Variants in BRAF observed in about 807,000 individuals in gnomAD.
BRAF encodes the protein B-Raf proto-oncogene, serine/threonine kinase, also known as serine/threonine-protein kinase B-raf.
A neutral mutation model predicts 104.6 loss-of-function variants in BRAF; 16 were observed. That is an observed-to-expected ratio of 0.15 (90% CI 0.10 to 0.23). The LOEUF (loss-of-function observed/expected upper bound fraction) is 0.23. Ranked by LOEUF, BRAF falls within the 10% of genes least tolerant of loss-of-function variation. The probability of loss-of-function intolerance (pLI) is 1.00; values close to 1 mark genes in which losing one functional copy is unlikely to be tolerated. For missense variants in BRAF, 541 were observed against 937.3 expected (o/e 0.58, Z 5.52); for synonymous variants, 310 against 341.6 (o/e 0.91, Z 1.02).
intron 14 of BRAF, among the ~76,000 whole-genome samples, chr7:140,772,269 AACT>A (rs922439469): frequency 1.2e-4 from 11 of 88,174 alleles, no homozygotes; most frequent in Non-Finnish European, 2.1e-4. Flanking sequence ...CAGATTGTTT[AACT>A]ACAACAACAA....
intron 3 of BRAF, among the ~76,000 whole-genome samples, chr7:140,814,763 AT>A (rs919949904): frequency 2.2e-4 from 32 of 142,596 alleles, no homozygotes; most frequent in Non-Finnish European, 4.5e-5. Context: ...TAACATATAT[AT>A]TATATATAAC....
At chr7:140,819,570 T>G (rs558877202) in intron 3 of BRAF, among the ~76,000 whole-genome samples, 1 of 152,136 alleles carries the variant, frequency 6.6e-6, no homozygotes, top group African/African-American at 2.4e-5. Context: ...AGCTAAAAAG[T>G]AGAAACGACA....
In BRAF at chr7:140,764,993, CA is replaced by C. The variant is rs1434682588; in HGVS notation, c.1815-10761del. On this transcript the variant is annotated intron_variant, in intron 14 of 19. Transcript: ENST00000644969. ...CAAAAAAGAGCCCGCATCACCAAGGCAATCCTAAGCCAAAAGCACAAAGCTG... is the reference window on the plus strand; with the variant it reads ...CAAAAAAGAGCCCGCATCACCAAGGCATCCTAAGCCAAAAGCACAAAGCTG... Among the ~76,000 whole-genome samples, 14 of 152,178 alleles carry C rather than the reference CA, an allele frequency of 9.2e-5. 1 individual carries two copies. In the East Asian group the frequency reaches 2.7e-3, roughly 29 times the overall value.
rs1465371326 is a variant in BRAF, at chr7:140,832,863, G to A, written c.504+1746C>T. 2.0e-5 allele frequency among the ~76,000 whole-genome samples: 3 copies of A among 151,810 alleles called. No homozygotes were observed. In the East Asian group the frequency reaches 5.8e-4, roughly 29 times the overall value. ...TTGGCCTCTCTCATAAATATGAGGAGGCTAGTTAAACCTTTTTTTTTTTTT... is the reference window on the plus strand; with the variant it reads ...TTGGCCTCTCTCATAAATATGAGGAAGCTAGTTAAACCTTTTTTTTTTTTT... On this transcript the variant is annotated intron_variant, in intron 3 of 19. Transcript: ENST00000644969.
Position 140,719,586 on chromosome 7 carries a change from C to G in BRAF, c.*6908G>C. 2 of 1,058,388 alleles carry G rather than the reference C, an allele frequency of 1.9e-6. No individual in the cohort carries two copies. Among genetic ancestry groups the G allele is most frequent in the Non-Finnish European group, 2.3e-6 (2 of 874,884 alleles). 65.6% of individuals were successfully genotyped at this position (1,058,388 alleles called of 1,614,324 possible). On this transcript the variant is annotated 3_prime_UTR_variant, in exon 20 of 20. Coordinates refer to ENST00000644969, the MANE Select transcript of BRAF (RefSeq NM_001374258.1). ...GAAGGGACCTGAGCAGGAAAGAGAA[C>G]CAAAGTATCAGGAAGTGGGTATGGG... is the stretch of plus-strand genomic sequence containing the variant.
In BRAF at chr7:140,734,774, C is replaced by CAAAAAAAA. The variant is rs373442098; in HGVS notation, c.2248-12_2248-5dup. 13 of 773,804 alleles carry CAAAAAAAA rather than the reference C, an allele frequency of 1.7e-5. No individual in the cohort carries two copies. Among genetic ancestry groups the CAAAAAAAA allele is most frequent in the South Asian group, 1.1e-4 (4 of 37,020 alleles). The allele number at this position is 773,804 out of a possible 1,614,324, so 47.9% of individuals were successfully genotyped here. A position where few individuals can be genotyped will look rare whatever the true frequency, so the allele number is the denominator to read the frequency against. On this transcript the variant is annotated splice_region_variant and splice_polypyrimidine_tract_variant and intron_variant, in intron 18 of 19. Transcript: ENST00000644969. ...GCAGCTCAATAGAGGCGAGAATCTA[C>CAAAAAAAA]AAAAAAAAAAAGAAAAAAAAAAGAA...
At chr7:140,917,580 G>A (rs1280891715) in intron 1 of BRAF, among the ~76,000 whole-genome samples, 1 of 152,176 alleles carries the variant, frequency 6.6e-6, no homozygotes, top group Non-Finnish European at 1.5e-5. Flanking sequence ...GGGCAATACA[G>A]TGAAACTCCA....
Position 140,824,509 on chromosome 7 carries a change from A to G in BRAF, c.504+10100T>C, listed in dbSNP as rs753741340. ...ATCTGTCTGCATGCCAGTACCACTT[A>G]GTTTTGATTACTCTAACTTTGTAGT... On this transcript the variant is annotated intron_variant, in intron 3 of 19. Coordinates refer to ENST00000644969, the MANE Select transcript of BRAF (RefSeq NM_001374258.1). 5.8e-4 allele frequency: 88 copies of G among 152,168 alleles called. 1 individual carries two copies. The highest frequency in any genetic ancestry group is 3.3e-4 in the Admixed American group (5 of 15,276). 9.4% of individuals were successfully genotyped at this position (152,168 alleles called of 1,614,324 possible).
chr7:140,720,219 G>A lies in BRAF; in HGVS notation c.*6275C>T. 1 of 1,062,826 alleles carries A rather than the reference G, an allele frequency of 9.4e-7. No individual in the cohort carries two copies. The highest frequency in any genetic ancestry group is 1.1e-6 in the Non-Finnish European group (1 of 877,816). 65.8% of individuals were successfully genotyped at this position (1,062,826 alleles called of 1,614,324 possible). On this transcript the variant is annotated 3_prime_UTR_variant, in exon 20 of 20. Coordinates refer to ENST00000644969, the MANE Select transcript of BRAF (RefSeq NM_001374258.1). ...GATCAGATGTACAACCAACAAATGA[G>A]ATTACCACAAATACATATCACTGTG...
rs1193158774 is a variant in BRAF at position 140,871,166 on chromosome 7, C to T, written c.139-20954G>A. Among the ~76,000 whole-genome samples the T allele has an allele frequency of 1.6e-4, 22 of 139,770 alleles. No homozygotes were observed. In the Admixed American group the frequency reaches 1.6e-3, roughly 10 times the overall value. The allele number at this position is 139,770 out of a possible 152,430, so 91.7% of individuals were successfully genotyped here. ...GTGACGCGGGAGAATGGCGTGAATC[C>T]GGGAGGCGGAGCTTGCAGTGAGCCG... On this transcript the variant is annotated intron_variant, in intron 1 of 19. Transcript: ENST00000644969.
intron 1 of BRAF, among the ~76,000 whole-genome samples, chr7:140,915,996 A>G (rs748059782): frequency 7.9e-5 from 12 of 151,210 alleles, no homozygotes; most frequent in Non-Finnish European, 1.8e-4. Context: ...AAACAAACAA[A>G]CAAAAAAAAC....
chr7:140,774,212 C>A (rs1440265911), intron 14 of BRAF, among the ~76,000 whole-genome samples: 4 of 152,134 alleles, frequency 2.6e-5, no homozygotes, highest in South Asian at 2.1e-4. Context: ...TTTTCAGTTA[C>A]TAAAATCTAG....
intron 7 of BRAF, among the ~76,000 whole-genome samples, chr7:140,798,323 C>T (rs1025995514): frequency 2.5e-5 from 3 of 121,526 alleles, no homozygotes; most frequent in Non-Finnish European, 4.8e-5. Flanking sequence ...AATGCAGTGA[C>T]GTGATCTCGG....
chr7:140,879,164 C>T (rs1439899099), intron 1 of BRAF, among the ~76,000 whole-genome samples: 1 of 152,036 alleles, frequency 6.6e-6, no homozygotes, highest in Non-Finnish European at 1.5e-5. Context: ...AAGCATGAGC[C>T]ACCACGCCTG....
chr7:140,817,854 A>G (rs868402979), intron 3 of BRAF, among the ~76,000 whole-genome samples: 35 of 152,234 alleles, frequency 2.3e-4, no homozygotes, highest in African/African-American at 6.8e-4. Context: ...ATGCTCATCA[A>G]TGGAGAAAAA....
At chr7:140,837,484 G>A (rs1807469377) in intron 2 of BRAF, among the ~76,000 whole-genome samples, 1 of 152,128 alleles carries the variant, frequency 6.6e-6, no homozygotes, top group African/African-American at 2.4e-5. Context: ...CAATGCCATT[G>A]GTGATATCTT....
intron 2 of BRAF, chr7:140,835,435 T>C (rs1807220585): frequency 6.5e-6 from 1 of 155,006 alleles, no homozygotes; most frequent in Non-Finnish European, 1.4e-5. Context: ...AGAAGATGTG[T>C]AACTGCCACA....
chr7:140,885,702 T>A (rs948934642), intron 1 of BRAF, among the ~76,000 whole-genome samples: 1 of 152,218 alleles, frequency 6.6e-6, no homozygotes, highest in Non-Finnish European at 1.5e-5. Flanking sequence ...ATCAATTACA[T>A]AGACATCTGT....
rs1236515269 is a variant in BRAF at position 140,866,621 on chromosome 7, C to T, written c.139-16409G>A. On this transcript the variant is annotated intron_variant, in intron 1 of 19. Coordinates refer to ENST00000644969, the MANE Select transcript of BRAF (RefSeq NM_001374258.1). Reference sequence around the variant, plus strand: ...CACATTCAAGAAGGCTCACCTGAGGCTAGAGAAATAATAGTTAAGATCAGA... The same window carrying T: ...CACATTCAAGAAGGCTCACCTGAGGTTAGAGAAATAATAGTTAAGATCAGA... 3.3e-5 allele frequency among the ~76,000 whole-genome samples: 5 copies of T among 152,090 alleles called. No homozygotes were observed. In the East Asian group the frequency reaches 9.6e-4, roughly 29 times the overall value.
Sources: allele counts gnomAD v4.1 joint callset (sites outside exome capture counted in the v4.1 genomes callset), GRCh38; gene constraint gnomAD v4.1.1; transcripts MANE v1.5; gene names NCBI Gene and HGNC (gene_info 2026-07-23, HGNC 2026-07-21).